CPZ: variants seen among roughly 807,000 people sequenced by gnomAD.
The protein encoded by CPZ is VEZT/CPZ fusion.
CPZ carries 103 observed loss-of-function variants against 61.8 expected under a neutral mutation model. That is an observed-to-expected ratio of 1.67 (90% CI 1.42 to 1.96). The LOEUF (loss-of-function observed/expected upper bound fraction) is 1.96, where lower values mean the gene tolerates loss of function less well. Among genes scored for constraint, CPZ ranks in the 30% most tolerant of loss-of-function variants. The pLI is 0.00. For missense variants in CPZ, 1,461 were observed against 914.9 expected (o/e 1.60, Z -7.70); for synonymous variants, 551 against 373.7 (o/e 1.47, Z -5.47).
rs939796365 is a variant in CPZ at position 8,607,290 on chromosome 4, C to T, written c.1092C>T (p.Ile364=). ...WGKVAPETKA[I]MKWMQTIPFV... is the part of the protein sequence containing the mutation. The stretch of plus-strand genomic sequence containing the variant: ...AGGTGGCCCCGGAGACAAAGGCAAT[C>T]ATGAAGTGGATGCAGACCATACCCT... The change falls in exon 7 of 11, where the codon ATC becomes ATT. Residue 364 remains isoleucine, a synonymous_variant. Coordinates refer to ENST00000360986, the MANE Select transcript of CPZ (RefSeq NM_001014447.3). The T allele has an allele frequency of 1.2e-6, 2 of 1,614,076 alleles. No homozygotes were observed. The highest frequency in any genetic ancestry group is 2.7e-5 in the African/African-American group (2 of 75,052).
At position 8,614,435 on chromosome 4, in the gene CPZ, CGAG is replaced by C. The variant is rs773471741; in HGVS notation, c.1445_1447del (p.Glu482del). 1 of 1,614,030 alleles carries C rather than the reference CGAG, an allele frequency of 6.2e-7. No homozygotes were observed. Among genetic ancestry groups the C allele is most frequent in the Non-Finnish European group, 8.5e-7 (1 of 1,179,972 alleles). ...AGCTGGGCTGTGTGAAGTTCCCCCC[CGAG>C]GAGGCCCTGTACATACTCTGGCAGC... On this transcript the variant is annotated inframe_deletion, in exon 9 of 11. Coordinates refer to ENST00000360986, the MANE Select transcript of CPZ (RefSeq NM_001014447.3).
chr4:8,593,645 C>T (rs1157470564), intron 1 of CPZ, among the ~76,000 whole-genome samples: 1 of 152,158 alleles, frequency 6.6e-6, no homozygotes, highest in East Asian at 1.9e-4. Context: ...ATCTGGGCTC[C>T]TGCGGGAGTG....
chr4:8,609,650 G>T (rs529189062), intron 7 of CPZ, among the ~76,000 whole-genome samples: 1 of 152,190 alleles, frequency 6.6e-6, no homozygotes, highest in Non-Finnish European at 1.5e-5. Context: ...TGGCAGGGCA[G>T]GGCAGGCATC....
intron 1 of CPZ, 113 bp from the exon 2 acceptor site, chr4:8,599,340 C>A: frequency 8.0e-7 from 1 of 1,245,772 alleles, no homozygotes; most frequent in Non-Finnish European, 1.1e-6. Context: ...ATGGAGCTGG[C>A]GGAGGGTGGC....
intron 4 of CPZ, among the ~76,000 whole-genome samples, chr4:8,605,313 T>C (rs919473937): frequency 2.6e-5 from 3 of 117,214 alleles, no homozygotes; most frequent in African/African-American, 1.3e-4. Context: ...CTATAGTCCA[T>C]TCATTTATTC....
In CPZ at chr4:8,614,380, T is replaced by A. The variant is rs1203999378; in HGVS notation, c.1385T>A (p.Leu462Gln). The A allele has an allele frequency of 6.2e-7, 1 of 1,613,700 alleles. No homozygotes were observed. The highest frequency in any genetic ancestry group is 1.7e-5 in the Admixed American group (1 of 59,992). ...ACAGGCATGTCCGATTTCAACTACC[T>A]GCACACCAACTGCTTTGAGATCACG... The part of the protein sequence containing the change: ...FTGGMSDFNY[L>Q]HTNCFEITVE... Residue 462 changes from leucine (L) to glutamine (Q), a missense_variant, in exon 9 of 11, where the codon CTG becomes CAG. Coordinates refer to ENST00000360986, the MANE Select transcript of CPZ (RefSeq NM_001014447.3).
chr4:8,612,297 C>T, intron 8 of CPZ, 135 bp downstream of exon 8: 1 of 747,720 alleles, frequency 1.3e-6, no homozygotes, highest in East Asian at 2.9e-5. Flanking sequence ...GATGCCTCAC[C>T]TGGTGGAGAG....
At chr4:8,600,683 G>C (rs1714510559) in intron 2 of CPZ, among the ~76,000 whole-genome samples, 1 of 152,232 alleles carries the variant, frequency 6.6e-6, no homozygotes, top group South Asian at 2.1e-4. Context: ...TCCAAGTCCT[G>C]AGCCCCAACT....
rs1716477023 is a variant in CPZ, at chr4:8,619,295, C to T, written c.1637C>T (p.Pro546Leu). The T allele has an allele frequency of 6.2e-7, 1 of 1,613,424 alleles. No individual in the cohort carries two copies. The highest frequency in any genetic ancestry group is 1.3e-5 in the African/African-American group (1 of 74,914). Residue 546 changes from proline to leucine, a missense_variant, in exon 11 of 11, where the codon CCA (proline) becomes CTA (leucine). By Grantham distance (98) the Pro-to-Leu change is moderately conservative (BLOSUM62 -3). Coordinates refer to ENST00000360986, the MANE Select transcript of CPZ (RefSeq NM_001014447.3). ...GGTGACTACTGGAGACTGCTGCCCC[C>T]AGGTATCCACATTGTCATTGCCCAA... Reference protein sequence around the residue: ...PDGDYWRLLPPGIHIVIAQAP... With the variant: ...PDGDYWRLLPLGIHIVIAQAP...
At chr4:8,607,539 C>G in intron 7 of CPZ, 114 bp downstream of exon 7, 5 of 1,286,220 alleles carry the variant, frequency 3.9e-6, no homozygotes, top group Non-Finnish European at 5.3e-6. Flanking sequence ...GGAACCTCTA[C>G]TCAGAGCGGG....
At chr4:8,609,072 CCACTCAT>C (rs1715321970) in intron 7 of CPZ, among the ~76,000 whole-genome samples, 2 of 112,340 alleles carry the variant, frequency 1.8e-5, no homozygotes, top group Admixed American at 1.7e-4. Context: ...CCCTCACTCA[CCACTCAT>C]ACATTCACCC....
At chr4:8,598,948 C>T (rs568926871) in intron 1 of CPZ, among the ~76,000 whole-genome samples, 1 of 152,334 alleles carries the variant, frequency 6.6e-6, no homozygotes, top group African/African-American at 2.4e-5. Flanking sequence ...GGGCACGGAG[C>T]CTGCGTGGCT....
rs115718188 is a variant in CPZ at position 8,618,396 on chromosome 4, G to A, written c.1504-33G>A. On this transcript the variant is annotated intron_variant, in intron 9 of 10. Transcript: ENST00000360986. ...CTCCACGCTCAGCAGGAGAGCTCAC[G>A]CCATCTCCCTGGCCTCCCCTTGGTC... 727 of 1,604,952 alleles carry A rather than the reference G, an allele frequency of 4.5e-4. 6 individuals carry two copies. The African/African-American group carries it at 8.4e-3, about 18-fold the overall frequency.
In CPZ at chr4:8,619,271, G is replaced by C. The variant is rs767375503; in HGVS notation, c.1613G>C (p.Gly538Ala). ...ATCTATTTGTCCACAGCCCCAGATGGTGACTACTGGAGACTGCTGCCCCCA... is the reference window on the plus strand; with the variant it reads ...ATCTATTTGTCCACAGCCCCAGATGCTGACTACTGGAGACTGCTGCCCCCA... The part of the protein sequence containing the change: ...IRHDITTAPD[G>A]DYWRLLPPGI... The change falls in exon 11 of 11, where the codon GGT becomes GCT. Residue 538 changes from glycine (G) to alanine (A), a missense_variant. By Grantham distance (60) the Gly-to-Ala change is moderately conservative. Coordinates refer to ENST00000360986, the MANE Select transcript of CPZ (RefSeq NM_001014447.3). The C allele has an allele frequency of 5.6e-6, 9 of 1,610,520 alleles. No individual in the cohort carries two copies. Among genetic ancestry groups the C allele is most frequent in the Admixed American group, 5.0e-5 (3 of 59,650 alleles).
chr4:8,603,074 C>G (rs759029736), intron 3 of CPZ: 1 of 152,256 alleles, frequency 6.6e-6, no homozygotes, highest in Admixed American at 6.5e-5. Flanking sequence ...ATCTCTACCA[C>G]CAAATTGCCG....
intron 6 of CPZ, 38 bp downstream of exon 6, chr4:8,606,936 G>T: frequency 6.5e-7 from 1 of 1,550,314 alleles, no homozygotes; most frequent in Non-Finnish European, 8.7e-7. Flanking sequence ...CTCCACCAAG[G>T]CATCCAGGGG....
At chr4:8,593,009 T>C (rs1420486122) in intron 1 of CPZ, 88 bp downstream of exon 1, 2 of 1,038,696 alleles carry the variant, frequency 1.9e-6, no homozygotes, top group Non-Finnish European at 2.8e-6. Context: ...GCCCGGGAGC[T>C]TTCTTCCAGT....
At chr4:8,607,083 A>G (rs1011065262) in intron 6 of CPZ, among the ~76,000 whole-genome samples, 184 bp from the exon 7 acceptor site, 1 of 152,154 alleles carries the variant, frequency 6.6e-6, no homozygotes, top group South Asian at 2.1e-4. Flanking sequence ...TCAGAGATTC[A>G]TGTTGGAAAC....
chr4:8,606,541 C>T (rs1320952969), intron 5 of CPZ, among the ~76,000 whole-genome samples, 196 bp from the exon 6 acceptor site: 1 of 152,034 alleles, frequency 6.6e-6, no homozygotes, highest in Admixed American at 6.6e-5. Context: ...AGGGAAGGCC[C>T]CAAGGCTGTG....
Sources: allele counts gnomAD v4.1 joint callset (sites outside exome capture counted in the v4.1 genomes callset), GRCh38; gene constraint gnomAD v4.1.1; transcripts MANE v1.5; gene names NCBI Gene and HGNC (gene_info 2026-07-23, HGNC 2026-07-21).